The following SLC1A2 variants were observed in gnomAD, a reference collection of about 807,000 sequenced individuals.
SLC1A2 encodes the protein solute carrier family 1 member 2, also known as excitatory amino acid transporter 2.
A neutral mutation model predicts 48.8 loss-of-function variants in SLC1A2; 15 were observed. That is an observed-to-expected ratio of 0.31 (90% CI 0.21 to 0.47). SLC1A2 has a LOEUF of 0.47. Among genes scored for constraint, SLC1A2 ranks in the 20% least tolerant of loss-of-function variants. SLC1A2 has a pLI of 0.99. For missense variants in SLC1A2, 502 were observed against 730.5 expected (o/e 0.69, Z 3.61); for synonymous variants, 279 against 272.6 (o/e 1.02, Z -0.23).
chr11:35,278,987 C>T (rs1850534096), intron 9 of SLC1A2, among the ~76,000 whole-genome samples: 1 of 152,104 alleles, frequency 6.6e-6, no homozygotes, highest in African/African-American at 2.4e-5. Context: ...CCACTGCACT[C>T]CATCCTGGGC....
At chr11:35,325,828 G>A (rs577734454) in intron 1 of SLC1A2, among the ~76,000 whole-genome samples, 1 of 152,124 alleles carries the variant, frequency 6.6e-6, no homozygotes, top group East Asian at 1.9e-4. Context: ...GCTGGGTATG[G>A]TGGCAGGCAC....
chr11:35,306,292 G>A, intron 4 of SLC1A2, 50 bp from the exon 5 acceptor site: 2 of 1,407,168 alleles, frequency 1.4e-6, no homozygotes, highest in African/African-American at 1.5e-5. Context: ...GGCCTATAAG[G>A]TGAAAAAAAA....
At chr11:35,361,593 G>A (rs1456844581) in intron 1 of SLC1A2, among the ~76,000 whole-genome samples, 3 of 152,130 alleles carry the variant, frequency 2.0e-5, no homozygotes, top group Non-Finnish European at 4.4e-5. Flanking sequence ...CAATCCTTTA[G>A]GTTAAGAAGA....
intron 1 of SLC1A2, among the ~76,000 whole-genome samples, chr11:35,413,344 A>G (rs1282789855): frequency 6.6e-6 from 1 of 152,246 alleles, no homozygotes; most frequent in African/African-American, 2.4e-5. Context: ...CACTGGCTGT[A>G]AAATCTTGGG....
At chr11:35,405,780 A>G (rs928571944) in intron 1 of SLC1A2, among the ~76,000 whole-genome samples, 1 of 152,228 alleles carries the variant, frequency 6.6e-6, no homozygotes, top group Non-Finnish European at 1.5e-5. Flanking sequence ...CTTGAACCCT[A>G]TTAACCCCTA....
intron 5 of SLC1A2, among the ~76,000 whole-genome samples, chr11:35,302,036 A>G (rs1483482944): frequency 1.3e-5 from 2 of 152,208 alleles, no homozygotes; most frequent in African/African-American, 4.8e-5. Context: ...CAAACTTTGG[A>G]GCCAATATTG....
chr11:35,347,543 G>A (rs1853086876), intron 1 of SLC1A2, among the ~76,000 whole-genome samples: 1 of 152,238 alleles, frequency 6.6e-6, no homozygotes, highest in Non-Finnish European at 1.5e-5. Context: ...TGAGTTCTAT[G>A]ATTAATTAGC....
chr11:35,404,678 C>T (rs1384435798), intron 1 of SLC1A2, among the ~76,000 whole-genome samples: 1 of 152,210 alleles, frequency 6.6e-6, no homozygotes. Flanking sequence ...ACAGTGCTCC[C>T]TGCTGGGCAA....
At chr11:35,382,881 C>T (rs527444008) in intron 1 of SLC1A2, among the ~76,000 whole-genome samples, 53 of 152,040 alleles carry the variant, frequency 3.5e-4, no homozygotes, top group Admixed American at 1.3e-4. Context: ...TTCCAGCTCT[C>T]TAGGAGTGAA....
chr11:35,269,813 G>C (rs564892338), intron 9 of SLC1A2, among the ~76,000 whole-genome samples: 1 of 152,284 alleles, frequency 6.6e-6, no homozygotes, highest in South Asian at 2.1e-4. Flanking sequence ...GAGTTGTATA[G>C]AATAAAAGCA....
chr11:35,305,929 G>A (rs1851487625), intron 5 of SLC1A2, 145 bp downstream of exon 5: 2 of 639,792 alleles, frequency 3.1e-6, no homozygotes. Flanking sequence ...TCAGCTCTCA[G>A]TCCCAGTGAC....
chr11:35,396,646 T>C (rs937136562), intron 1 of SLC1A2, among the ~76,000 whole-genome samples: 20 of 152,300 alleles, frequency 1.3e-4, no homozygotes, highest in African/African-American at 4.8e-4. Context: ...ACTCTGATGG[T>C]AGTTTCTTTT....
At chr11:35,361,109 C>T (rs1200230435) in intron 1 of SLC1A2, among the ~76,000 whole-genome samples, 1 of 152,070 alleles carries the variant, frequency 6.6e-6, no homozygotes, top group Non-Finnish European at 1.5e-5. Context: ...CTCCTGACCT[C>T]AAGTGATTCA....
chr11:35,389,611 C>T (rs1389770732), intron 1 of SLC1A2, among the ~76,000 whole-genome samples: 2 of 151,970 alleles, frequency 1.3e-5, no homozygotes, highest in Admixed American at 6.6e-5. Context: ...GCTGGGATTA[C>T]AGGCACGAGC....
At chr11:35,322,366 A>G (rs564760192) in intron 1 of SLC1A2, among the ~76,000 whole-genome samples, 4 of 152,192 alleles carry the variant, frequency 2.6e-5, no homozygotes, top group Non-Finnish European at 5.9e-5. Flanking sequence ...ATAGCCTGTA[A>G]TAATAGGCTC....
chr11:35,400,211 G>A (rs116548738), intron 1 of SLC1A2, among the ~76,000 whole-genome samples: 4,085 of 152,248 alleles, frequency 0.027, 159 homozygotes, highest in African/African-American at 0.091. Flanking sequence ...CAGCATAGGT[G>A]TACATGCAAA....
chr11:35,290,993 CCTGA>C (rs1850983426), intron 7 of SLC1A2, among the ~76,000 whole-genome samples: 1 of 152,116 alleles, frequency 6.6e-6, no homozygotes, highest in Admixed American at 6.5e-5. Flanking sequence ...TTAAGGGAAA[CCTGA>C]CTGACTGCTC....
At chr11:35,344,815 C>T (rs1191290784) in intron 1 of SLC1A2, among the ~76,000 whole-genome samples, 2 of 152,200 alleles carry the variant, frequency 1.3e-5, no homozygotes, top group East Asian at 3.8e-4. Flanking sequence ...ATAAAAAGCA[C>T]AATCTTCGGC....
At chr11:35,411,215 A>G (rs1030416269) in intron 1 of SLC1A2, among the ~76,000 whole-genome samples, 3 of 152,194 alleles carry the variant, frequency 2.0e-5, no homozygotes, top group African/African-American at 7.2e-5. Flanking sequence ...AATTAGCCCA[A>G]TATTTATTCT....
Sources: gnomAD v4.1 joint callset for allele counts (sites outside exome capture counted in the v4.1 genomes callset) on GRCh38, gnomAD v4.1.1 for gene constraint, MANE v1.5 for transcripts, NCBI Gene and HGNC (gene_info 2026-07-23, HGNC 2026-07-21) for gene names.